The following ATF6 variants were observed in gnomAD, a reference collection of about 807,000 sequenced individuals.
ATF6 encodes the protein cyclic AMP-dependent transcription factor ATF-6 alpha.
Under a neutral mutation model 83.6 loss-of-function variants are expected in ATF6, and 53 were observed. The observed-to-expected ratio is 0.63, with a 90% CI of 0.51 to 0.80. ATF6 has a LOEUF of 0.80. Ranked by LOEUF, ATF6 falls within the 30% of genes least tolerant of loss-of-function variation. The pLI is 0.00. For missense variants in ATF6, 744 were observed against 797.9 expected (o/e 0.93, Z 0.81); for synonymous variants, 288 against 285.8 (o/e 1.01, Z -0.08).
chr1:161,815,275 T>C (rs2101776164), intron 7 of ATF6, among the ~76,000 whole-genome samples: 1 of 140,462 alleles, frequency 7.1e-6, no homozygotes, highest in South Asian at 2.4e-4. Flanking sequence ...CACTGCAGCC[T>C]CAACCTCCTG....
chr1:161,816,551 C>A (rs779932586), intron 7 of ATF6, among the ~76,000 whole-genome samples: 11 of 152,188 alleles, frequency 7.2e-5, no homozygotes, highest in Non-Finnish European at 1.5e-4. Flanking sequence ...AAGTTCTAGC[C>A]TTGGCCCTTC....
Position 161,842,763 on chromosome 1 carries a change from A to T in ATF6, c.1188-3686A>T, listed in dbSNP as rs566295825. Among the ~76,000 whole-genome samples, 337 of 152,322 alleles carry T rather than the reference A, an allele frequency of 2.2e-3. 1 individual carries two copies. The highest frequency in any genetic ancestry group is 7.3e-3 in the African/African-American group (305 of 41,562). ...AAAACCTATGGAAATAAAAAATTTT[A>T]AAAAAAGATAATTATTAATCCAGTT... On this transcript the variant is annotated intron_variant, in intron 9 of 15. Transcript: ENST00000367942.
At chr1:161,903,793 A>G (rs776127946) in intron 14 of ATF6, among the ~76,000 whole-genome samples, 36 of 152,198 alleles carry the variant, frequency 2.4e-4, no homozygotes, top group Admixed American at 6.5e-5. Context: ...ATTCAAACCC[A>G]GGCAGTCTAG....
intron 15 of ATF6, among the ~76,000 whole-genome samples, chr1:161,919,554 G>A (rs1005429624): frequency 4.6e-5 from 7 of 152,130 alleles, no homozygotes; most frequent in African/African-American, 1.4e-4. Context: ...GCTAAACTTT[G>A]TAGATATCTT....
chr1:161,948,438 G>A (rs1571257705), intron 15 of ATF6, among the ~76,000 whole-genome samples: 1 of 152,302 alleles, frequency 6.6e-6, no homozygotes, highest in Non-Finnish European at 1.5e-5. Context: ...ATTGTTTAAA[G>A]AAGGCAGTCA....
Position 161,948,751 on chromosome 1 carries a change from T to G in ATF6, c.1805-9695T>G, listed in dbSNP as rs550772253. ...ATGTTGCAGAACTTAAACGGAGCAA[T>G]AAAACTATTTATAAATCCAGACACC... On this transcript the variant is annotated intron_variant, in intron 15 of 15. Coordinates refer to ENST00000367942, the MANE Select transcript of ATF6 (RefSeq NM_007348.4). 2.0e-3 allele frequency among the ~76,000 whole-genome samples: 302 copies of G among 152,286 alleles called. 1 individual carries two copies. The highest frequency in any genetic ancestry group is 3.8e-3 in the Non-Finnish European group (259 of 68,018).
At chr1:161,900,719 T>C (rs939174866) in intron 14 of ATF6, among the ~76,000 whole-genome samples, 6 of 152,140 alleles carry the variant, frequency 3.9e-5, no homozygotes, top group African/African-American at 1.4e-4. Context: ...GCTTTGCATA[T>C]GTACACATCA....
intron 9 of ATF6, among the ~76,000 whole-genome samples, chr1:161,843,425 G>C (rs543191663): frequency 4.2e-4 from 64 of 152,162 alleles, no homozygotes; most frequent in African/African-American, 1.5e-3. Context: ...GAACATAATA[G>C]GTATTTACTA....
intron 7 of ATF6, among the ~76,000 whole-genome samples, chr1:161,807,863 A>ATTTTTTTTTTTTTTTTTTT (rs1557971141): frequency 1.1e-4 from 6 of 54,786 alleles, no homozygotes; most frequent in African/African-American, 4.1e-4. Context: ...TTAGTTTGTC[A>ATTTTTTTTTTTTTTTTTTT]TCTTTTTTTT....
chr1:161,856,008 C>G (rs1433084432), intron 12 of ATF6, among the ~76,000 whole-genome samples: 2 of 152,048 alleles, frequency 1.3e-5, no homozygotes, highest in Non-Finnish European at 2.9e-5. Flanking sequence ...CTACAGGAGT[C>G]AAGAAAGAGT....
intron 15 of ATF6, among the ~76,000 whole-genome samples, chr1:161,934,413 G>GT (rs1247720127): frequency 1.3e-5 from 2 of 152,230 alleles, no homozygotes; most frequent in Non-Finnish European, 1.5e-5. Flanking sequence ...GTGCTTCAAA[G>GT]TGACATAGCA....
intron 15 of ATF6, among the ~76,000 whole-genome samples, chr1:161,916,711 T>G (rs1688109505): frequency 6.6e-6 from 1 of 152,214 alleles, no homozygotes; most frequent in Admixed American, 6.5e-5. Context: ...TTTACTGTCT[T>G]TGATGACATT....
intron 14 of ATF6, among the ~76,000 whole-genome samples, chr1:161,905,580 A>G (rs571916906): frequency 6.6e-6 from 1 of 152,324 alleles, no homozygotes; most frequent in African/African-American, 2.4e-5. Context: ...TGTAAACATT[A>G]TATATGACAA....
intron 2 of ATF6, among the ~76,000 whole-genome samples, chr1:161,781,710 T>G (rs1273032127): frequency 6.6e-6 from 1 of 152,240 alleles, no homozygotes; most frequent in Non-Finnish European, 1.5e-5. Context: ...TAGTTGTTGC[T>G]GCTGTGCTTC....
At chr1:161,882,547 CTA>C (rs1687342046) in intron 14 of ATF6, among the ~76,000 whole-genome samples, 1 of 152,002 alleles carries the variant, frequency 6.6e-6, no homozygotes, top group East Asian at 1.9e-4. Flanking sequence ...TATACATACT[CTA>C]TGCATTGGCT....
At chr1:161,857,744 A>C (rs974451515) in intron 12 of ATF6, among the ~76,000 whole-genome samples, 1 of 152,180 alleles carries the variant, frequency 6.6e-6, no homozygotes, top group Non-Finnish European at 1.5e-5. Context: ...TTTTTAAAGC[A>C]ATAATAATGG....
intron 14 of ATF6, among the ~76,000 whole-genome samples, chr1:161,879,067 A>G (rs1280041150): frequency 6.6e-6 from 1 of 152,150 alleles, no homozygotes; most frequent in African/African-American, 2.4e-5. Flanking sequence ...TTCAGATAAC[A>G]GGTGGAAGGA....
Position 161,778,075 on chromosome 1 carries a change from C to T in ATF6, c.83-169C>T, listed in dbSNP as rs543727353. Among the ~76,000 whole-genome samples, 10 of 152,276 alleles carry T rather than the reference C, an allele frequency of 6.6e-5. No homozygotes were observed. In the South Asian group the frequency reaches 8.3e-4, roughly 13 times the overall value. ...GATAAAAATTATGCAGAAAACAACA[C>T]ATAAATTGGAAATGAGCATTGAATT... On this transcript the variant is annotated intron_variant, in intron 1 of 15. Transcript: ENST00000367942.
chr1:161,942,206 C>T (rs1212518993), intron 15 of ATF6, among the ~76,000 whole-genome samples: 2 of 152,212 alleles, frequency 1.3e-5, no homozygotes, highest in Admixed American at 6.5e-5. Context: ...CCTCAGCCCT[C>T]ATACCATCAC....
Sources: gnomAD v4.1 joint callset for allele counts (sites outside exome capture counted in the v4.1 genomes callset) on GRCh38, gnomAD v4.1.1 for gene constraint, MANE v1.5 for transcripts, NCBI Gene and HGNC (gene_info 2026-07-23, HGNC 2026-07-21) for gene names.